Variants in NCOA2 observed in about 807,000 individuals in gnomAD.
The protein encoded by NCOA2 is class E basic helix-loop-helix protein 75.
Under a neutral mutation model 145.1 loss-of-function variants are expected in NCOA2, and 21 were observed. The observed-to-expected ratio is 0.14, with a 90% confidence interval of 0.10 to 0.21. The LOEUF is 0.21. NCOA2 is among the 10% of genes least tolerant of loss of function. The pLI, the probability that NCOA2 is intolerant of heterozygous loss-of-function variation, is 1.00. For synonymous variants in NCOA2, 619 were observed against 637.5 expected (o/e 0.97, Z 0.44); for missense variants, 1,472 against 1,837.6 (o/e 0.80, Z 3.64).
At chr8:70,152,446 C>T (rs1311616882) in intron 11 of NCOA2, among the ~76,000 whole-genome samples, 1 of 152,218 alleles carries the variant, frequency 6.6e-6, no homozygotes, top group African/African-American at 2.4e-5. Context: ...AATTCTACCA[C>T]ATCTGGAGAG....
chr8:70,165,167 C>T (rs1813469352), intron 7 of NCOA2, among the ~76,000 whole-genome samples: 1 of 152,192 alleles, frequency 6.6e-6, no homozygotes, highest in Non-Finnish European at 1.5e-5. Context: ...GCAGCACTTA[C>T]TCCGCTGCAT....
chr8:70,132,145 G>A (rs954372338), intron 15 of NCOA2, 143 bp from the exon 16 acceptor site: 5 of 804,502 alleles, frequency 6.2e-6, no homozygotes, highest in African/African-American at 1.7e-5. Flanking sequence ...CAGAACAAAA[G>A]GACAGTCTGA....
chr8:70,354,633 A>G (rs1375143227), intron 1 of NCOA2, among the ~76,000 whole-genome samples: 1 of 152,134 alleles, frequency 6.6e-6, no homozygotes, highest in African/African-American at 2.4e-5. Flanking sequence ...AAATTTAACA[A>G]TATGTTTCTA....
the NCOA2 span, among the ~76,000 whole-genome samples, chr8:70,421,441 G>A: frequency 1.4e-4 from 22 of 152,030 alleles, no homozygotes; most frequent in East Asian, 2.7e-3. Flanking sequence ...GCCTCTAGTC[G>A]TAGCTACTCA....
chr8:70,347,590 A>G (rs1808800600), intron 1 of NCOA2, among the ~76,000 whole-genome samples: 1 of 152,152 alleles, frequency 6.6e-6, no homozygotes, highest in Non-Finnish European at 1.5e-5. Flanking sequence ...TGGGAGGTCA[A>G]GGCTGCAATC....
At chr8:70,353,438 T>G (rs927329457) in intron 1 of NCOA2, among the ~76,000 whole-genome samples, 1 of 148,714 alleles carries the variant, frequency 6.7e-6, no homozygotes, top group Non-Finnish European at 1.5e-5. Context: ...ATAAGCCAAC[T>G]TTTTCTCCAA....
intron 1 of NCOA2, among the ~76,000 whole-genome samples, chr8:70,400,142 T>C (rs1318782305): frequency 1.3e-5 from 2 of 152,236 alleles, no homozygotes; most frequent in South Asian, 2.1e-4. Context: ...ATCTAAATTA[T>C]ATTTAACCAA....
chr8:70,366,947 A>G (rs1234241777), intron 1 of NCOA2, among the ~76,000 whole-genome samples: 6 of 152,144 alleles, frequency 3.9e-5, no homozygotes, highest in Admixed American at 3.9e-4. Flanking sequence ...AAGGTTCATA[A>G]AAGCAGAAGA....
At chr8:70,151,751 T>C (rs1220513933) in intron 11 of NCOA2, among the ~76,000 whole-genome samples, 3 of 152,226 alleles carry the variant, frequency 2.0e-5, no homozygotes, top group Non-Finnish European at 4.4e-5. Context: ...TTGCTTTGCC[T>C]GTGTTTATTC....
chr8:70,284,833 A>G (rs1169182356), intron 2 of NCOA2, among the ~76,000 whole-genome samples: 1 of 150,178 alleles, frequency 6.7e-6, no homozygotes, highest in East Asian at 2.2e-4. Context: ...GAGAGGAGAC[A>G]GGAGAGAGGG....
chr8:70,128,244 C>A (rs1467398255), intron 18 of NCOA2, among the ~76,000 whole-genome samples, 189 bp downstream of exon 18: 2 of 152,128 alleles, frequency 1.3e-5, no homozygotes, highest in Non-Finnish European at 2.9e-5. Context: ...ATTGACTGTA[C>A]CTGGCAATAA....
the NCOA2 span, among the ~76,000 whole-genome samples, chr8:70,444,714 G>A: frequency 6.6e-6 from 1 of 152,152 alleles, no homozygotes; most frequent in Non-Finnish European, 1.5e-5. Flanking sequence ...AAATAATACA[G>A]CAATTTCTCT....
chr8:70,436,804 T>C, the NCOA2 span, among the ~76,000 whole-genome samples: 68 of 152,220 alleles, frequency 4.5e-4, no homozygotes, highest in African/African-American at 1.5e-3. Flanking sequence ...ACATAACCAC[T>C]ATACAAGGCA....
At chr8:70,381,026 G>A (rs1812145750) in intron 1 of NCOA2, among the ~76,000 whole-genome samples, 1 of 151,044 alleles carries the variant, frequency 6.6e-6, no homozygotes, top group African/African-American at 2.4e-5. Context: ...GAGTGGAGAT[G>A]GCACAACTGC....
intron 1 of NCOA2, among the ~76,000 whole-genome samples, chr8:70,392,118 A>T (rs936008407): frequency 2.0e-5 from 3 of 152,222 alleles, no homozygotes; most frequent in African/African-American, 7.2e-5. Flanking sequence ...TTTCATAAAG[A>T]AAGTTGGGAC....
intron 2 of NCOA2, among the ~76,000 whole-genome samples, chr8:70,253,761 C>T (rs997844764): frequency 1.8e-4 from 28 of 152,012 alleles, no homozygotes; most frequent in African/African-American, 6.5e-4. Flanking sequence ...AAAATGATTA[C>T]AAGATCTAAA....
chr8:70,439,469 C>T, the NCOA2 span, among the ~76,000 whole-genome samples: 1 of 152,070 alleles, frequency 6.6e-6, no homozygotes, highest in African/African-American at 2.4e-5. Flanking sequence ...GGAAGGCACT[C>T]GGGGGGAGGA....
At chr8:70,319,924 T>C (rs1174766655) in intron 1 of NCOA2, among the ~76,000 whole-genome samples, 1 of 152,208 alleles carries the variant, frequency 6.6e-6, no homozygotes, top group East Asian at 1.9e-4. Flanking sequence ...TATTGGTTTC[T>C]TTGCTTCTGT....
the NCOA2 span, among the ~76,000 whole-genome samples, chr8:70,431,236 A>T: frequency 6.6e-6 from 1 of 151,998 alleles, no homozygotes; most frequent in African/African-American, 2.4e-5. Flanking sequence ...TAAATAATTT[A>T]TTTCTACCCC....
Sources: allele counts gnomAD v4.1 joint callset (sites outside exome capture counted in the v4.1 genomes callset), GRCh38; gene constraint gnomAD v4.1.1; transcripts MANE v1.5; gene names NCBI Gene and HGNC (gene_info 2026-07-23, HGNC 2026-07-21).